Variants in ERC2 observed in about 807,000 individuals in gnomAD.
ERC2 encodes the protein ELKS/RAB6-interacting/CAST family member 2.
In ERC2, 42 loss-of-function variants were observed where a neutral mutation model predicts 114.8. The observed-to-expected ratio is 0.37, with a 90% CI of 0.29 to 0.47. ERC2 has a LOEUF of 0.47. Among genes scored for constraint, ERC2 ranks in the 20% least tolerant of loss-of-function variants. ERC2 has a pLI of 0.99. For synonymous variants in ERC2, 454 were observed against 425.5 expected (o/e 1.07, Z -0.82); for missense variants, 939 against 1,150.7 (o/e 0.82, Z 2.66).
At chr3:56,278,878 A>G (rs1455771981) in intron 3 of ERC2, among the ~76,000 whole-genome samples, 1 of 152,206 alleles carries the variant, frequency 6.6e-6, no homozygotes. Context: ...CAAGTCATTC[A>G]TGAGGAATCA....
chr3:56,119,225 A>C lies in ERC2; in HGVS notation c.1473+20284T>G, dbSNP rs570819747. Among the ~76,000 whole-genome samples the C allele has an allele frequency of 2.6e-5, 4 of 152,324 alleles. 1 individual carries two copies. The South Asian group carries it at 8.3e-4, about 32-fold the overall frequency. On this transcript the variant is annotated intron_variant, in intron 6 of 17. Transcript: ENST00000288221. ...TTGTTACCACAGCTTAACACAGACC[A>C]CACTATCTGACATAATTACTACCAC...
intron 3 of ERC2, among the ~76,000 whole-genome samples, chr3:56,290,719 AG>A (rs2055027784): frequency 6.6e-6 from 1 of 152,200 alleles, no homozygotes; most frequent in Admixed American, 6.5e-5. Flanking sequence ...AAGGTCTGAA[AG>A]CTTAAGAAAT....
intron 10 of ERC2, among the ~76,000 whole-genome samples, chr3:55,997,900 TTTTTTTTGTGTGTGTGTGTGTGTTTTTTG>T (rs2071678940): frequency 1.9e-5 from 1 of 53,274 alleles, no homozygotes; most frequent in Non-Finnish European, 3.9e-5. Context: ...TTTTTTTTTT[TTTTTTTTGTGTGTGTGTGTGTGTTTTTTG>T]TTTTTTTTTT....
chr3:56,081,473 G>A (rs2077228183), intron 6 of ERC2, among the ~76,000 whole-genome samples: 1 of 151,798 alleles, frequency 6.6e-6, no homozygotes, highest in South Asian at 2.1e-4. Context: ...GTTGCCAAGA[G>A]GACACTCATG....
intron 6 of ERC2, among the ~76,000 whole-genome samples, chr3:56,124,741 C>T (rs2079779382): frequency 1.3e-5 from 2 of 152,130 alleles, no homozygotes; most frequent in East Asian, 1.9e-4. Context: ...CTAGAGATGA[C>T]GAGCACCAAC....
chr3:56,112,728 C>G (rs1018590949), intron 6 of ERC2, among the ~76,000 whole-genome samples: 2 of 152,040 alleles, frequency 1.3e-5, no homozygotes, highest in Non-Finnish European at 2.9e-5. Flanking sequence ...GGGATGGTTA[C>G]AAAGTATTTT....
chr3:56,388,849 A>C (rs1488152474), intron 2 of ERC2, among the ~76,000 whole-genome samples: 1 of 152,222 alleles, frequency 6.6e-6, no homozygotes, highest in Non-Finnish European at 1.5e-5. Flanking sequence ...CCTTGCTTAT[A>C]GGTGGCACGC....
chr3:55,718,883 G>T (rs1183949310), intron 15 of ERC2, among the ~76,000 whole-genome samples: 1 of 152,190 alleles, frequency 6.6e-6, no homozygotes, highest in Non-Finnish European at 1.5e-5. Context: ...TTGTTTCAAA[G>T]AACATGTTCT....
At chr3:55,547,045 T>G (rs1290561437) in intron 17 of ERC2, among the ~76,000 whole-genome samples, 1 of 152,280 alleles carries the variant, frequency 6.6e-6, no homozygotes, top group Admixed American at 6.5e-5. Flanking sequence ...CCTCCCTTTC[T>G]TTCGTTTGCT....
chr3:55,522,776 T>C (rs893203666), intron 17 of ERC2, among the ~76,000 whole-genome samples: 1 of 152,182 alleles, frequency 6.6e-6, no homozygotes, highest in Non-Finnish European at 1.5e-5. Flanking sequence ...TCTGTAAATG[T>C]CTCCACGTGT....
intron 6 of ERC2, among the ~76,000 whole-genome samples, chr3:56,085,905 GA>G (rs2077475142): frequency 6.6e-6 from 1 of 152,108 alleles, no homozygotes; most frequent in African/African-American, 2.4e-5. Flanking sequence ...ATCAAAGCTG[GA>G]TGGTCTATAT....
At chr3:56,235,015 C>T (rs2050849394) in intron 3 of ERC2, among the ~76,000 whole-genome samples, 1 of 152,172 alleles carries the variant, frequency 6.6e-6, no homozygotes, top group Non-Finnish European at 1.5e-5. Context: ...TTAGCAGCAA[C>T]AGCATTTTTC....
intron 14 of ERC2, among the ~76,000 whole-genome samples, chr3:55,749,971 A>C (rs1559594663): frequency 6.6e-6 from 1 of 152,204 alleles, no homozygotes; most frequent in Non-Finnish European, 1.5e-5. Flanking sequence ...AGAGGGGCAT[A>C]ATGAAAAGAT....
intron 1 of ERC2, among the ~76,000 whole-genome samples, chr3:56,449,419 G>A (rs372897076): frequency 1.3e-5 from 2 of 152,134 alleles, no homozygotes; most frequent in South Asian, 2.1e-4. Flanking sequence ...AGGCCCTCTC[G>A]CCCAAGAGTA....
chr3:56,362,334 T>C (rs1242571369), intron 2 of ERC2, among the ~76,000 whole-genome samples: 4 of 152,132 alleles, frequency 2.6e-5, no homozygotes, highest in African/African-American at 9.7e-5. Context: ...GGAAAACACC[T>C]TTAGATTCAC....
rs3076615 is a variant in ERC2 at position 55,926,415 on chromosome 3, TA to T, written c.2403+24009del. On this transcript the variant is annotated intron_variant, in intron 13 of 17. Transcript: ENST00000288221. ...GAGCTTGTTTTTTGTTTTTTGTTTT[TA>T]AAAAAAAAAAAACTAAAAGATCGAA... Among the ~76,000 whole-genome samples the T allele has an allele frequency of 2.0e-5, 3 of 148,306 alleles. No homozygotes were observed. In the South Asian group the frequency reaches 6.4e-4, roughly 31 times the overall value.
chr3:55,804,632 A>G (rs375332031), intron 14 of ERC2, among the ~76,000 whole-genome samples: 13 of 152,276 alleles, frequency 8.5e-5, no homozygotes, highest in Admixed American at 8.5e-4. Context: ...CCAGGACTCT[A>G]ATCAGGAGAT....
chr3:56,370,842 C>A (rs2059339395), intron 2 of ERC2, among the ~76,000 whole-genome samples: 1 of 152,164 alleles, frequency 6.6e-6, no homozygotes, highest in Non-Finnish European at 1.5e-5. Flanking sequence ...GATCTGCCTG[C>A]CTTGGCCTCC....
intron 3 of ERC2, among the ~76,000 whole-genome samples, chr3:56,240,288 A>G (rs1043706497): frequency 1.3e-5 from 2 of 152,344 alleles, no homozygotes; most frequent in East Asian, 1.9e-4. Context: ...AGCCAAAACC[A>G]TCAAAAGTGT....
Sources: allele counts gnomAD v4.1 joint callset (sites outside exome capture counted in the v4.1 genomes callset), GRCh38; gene constraint gnomAD v4.1.1; transcripts MANE v1.5; gene names NCBI Gene and HGNC (gene_info 2026-07-23, HGNC 2026-07-21).